ATXN1: variants seen among roughly 807,000 people sequenced by gnomAD.
The protein encoded by ATXN1 is ataxin 1.
Under a neutral mutation model 56.4 loss-of-function variants are expected in ATXN1, and 8 were observed. That is an observed-to-expected ratio of 0.14 (90% CI 0.08 to 0.26). The LOEUF is 0.26. Among genes scored for constraint, ATXN1 ranks in the 10% least tolerant of loss-of-function variants. The probability of loss-of-function intolerance (pLI) is 1.00; values close to 1 mark genes in which losing one functional copy is unlikely to be tolerated. For synonymous variants in ATXN1, 514 were observed against 494.6 expected, an observed-to-expected ratio of 1.04 and a Z score of -0.52; for missense variants, 987 against 1,106.5, an observed-to-expected ratio of 0.89 and a Z score of 1.53.
intron 2 of ATXN1, among the ~76,000 whole-genome samples, chr6:16,745,536 T>C (rs1454356299): frequency 6.6e-6 from 1 of 152,228 alleles, no homozygotes; most frequent in Admixed American, 6.5e-5. Context: ...ACTTGATTTA[T>C]GGACTGGAAT....
chr6:16,347,825 C>A (rs759609213), intron 6 of ATXN1, among the ~76,000 whole-genome samples: 2 of 152,180 alleles, frequency 1.3e-5, no homozygotes, highest in African/African-American at 4.8e-5. Context: ...GCAGGCTGCC[C>A]GAGCCAGCAG....
At chr6:16,684,506 C>T (rs1758877452) in intron 2 of ATXN1, among the ~76,000 whole-genome samples, 1 of 152,156 alleles carries the variant, frequency 6.6e-6, no homozygotes, top group South Asian at 2.1e-4. Context: ...AGTGCAGTGG[C>T]TCTCCAGGGT....
rs751592908 is a variant in ATXN1, at chr6:16,372,914, AAAAT to A, written c.-160-44448_-160-44445del. Among the ~76,000 whole-genome samples the A allele has an allele frequency of 6.2e-3, 941 of 151,364 alleles. 5 individuals carry two copies. The highest frequency in any genetic ancestry group is 0.011 in the East Asian group (57 of 5,082). ...GGACAGCAAAGTGAGACACTGTATC[AAAAT>A]AAATAAATAAATAAATAAACAAACA... On this transcript the variant is annotated intron_variant, in intron 6 of 7. Transcript: ENST00000436367.
intron 3 of ATXN1, among the ~76,000 whole-genome samples, chr6:16,601,916 CAAG>C (rs1166665531): frequency 1.3e-5 from 2 of 151,984 alleles, no homozygotes; most frequent in Non-Finnish European, 2.9e-5. Flanking sequence ...AGATTTTGTG[CAAG>C]CGTATTTTGT....
chr6:16,659,373 T>G (rs1474263760), intron 2 of ATXN1, among the ~76,000 whole-genome samples: 1 of 152,232 alleles, frequency 6.6e-6, no homozygotes, highest in East Asian at 1.9e-4. Flanking sequence ...CTTTACCGGC[T>G]TGGTAAAAAC....
intron 5 of ATXN1, among the ~76,000 whole-genome samples, chr6:16,495,066 G>C (rs1283441411): frequency 6.6e-6 from 1 of 152,130 alleles, no homozygotes; most frequent in Non-Finnish European, 1.5e-5. Context: ...GGTGAAAATG[G>C]GGAAGGCTGA....
At chr6:16,445,696 CCA>C (rs1759620285) in intron 6 of ATXN1, among the ~76,000 whole-genome samples, 1 of 125,596 alleles carries the variant, frequency 8.0e-6, no homozygotes, top group Non-Finnish European at 1.6e-5. Flanking sequence ...ACAACAGTCC[CCA>C]GAGTGTGATG....
chr6:16,425,862 A>G (rs1338898505), intron 6 of ATXN1, among the ~76,000 whole-genome samples: 1 of 152,206 alleles, frequency 6.6e-6, no homozygotes, highest in African/African-American at 2.4e-5. Flanking sequence ...ATCCCGTAGC[A>G]GATGACCCTC....
At chr6:16,555,277 C>G (rs1761990472) in intron 4 of ATXN1, among the ~76,000 whole-genome samples, 2 of 152,152 alleles carry the variant, frequency 1.3e-5, no homozygotes, top group African/African-American at 4.8e-5. Context: ...CAACTGCTCT[C>G]TACAAGCCCC....
intron 5 of ATXN1, among the ~76,000 whole-genome samples, chr6:16,504,084 A>G (rs1440825015): frequency 2.0e-5 from 3 of 152,182 alleles, no homozygotes; most frequent in Admixed American, 6.5e-5. Context: ...TGTGCCTTTC[A>G]GCCCCACTTA....
rs1390759166 is a variant in ATXN1, at chr6:16,303,573, A to ACCCATTTC, written c.*2755_*2756insGAAATGGG. ...ATTGCACATGCTAAAAAAGCAAGAG[A>ACCCATTTC]ATGAAATGGGACAAGTGTTTAGAAA... On this transcript the variant is annotated 3_prime_UTR_variant, in exon 8 of 8. Coordinates refer to ENST00000436367, the MANE Select transcript of ATXN1 (RefSeq NM_001128164.2). The surrounding 1 kb of genome is among the most constrained non-coding windows in gnomAD (Gnocchi z 4.3). The ACCCATTTC allele has an allele frequency of 6.5e-6, 1 of 152,692 alleles. No homozygotes were observed. The highest frequency in any genetic ancestry group is 2.4e-5 in the African/African-American group (1 of 41,466). 9.5% of individuals were successfully genotyped at this position (152,692 alleles called of 1,614,324 possible).
intron 6 of ATXN1, among the ~76,000 whole-genome samples, chr6:16,484,940 A>AAT (rs1351275321): frequency 3.0e-3 from 365 of 123,200 alleles, no homozygotes; most frequent in African/African-American, 9.1e-3. Flanking sequence ...TGGAAACCTA[A>AAT]ATATATATGT....
chr6:16,361,195 G>T (rs956742948), intron 6 of ATXN1, among the ~76,000 whole-genome samples: 1 of 152,156 alleles, frequency 6.6e-6, no homozygotes, highest in Admixed American at 6.5e-5. Context: ...TATATATAGA[G>T]ACATTAAATT....
intron 1 of ATXN1, among the ~76,000 whole-genome samples, chr6:16,759,528 C>CCGTTTT (rs1561842989): frequency 1.6e-5 from 1 of 64,472 alleles, no homozygotes. Context: ...CTTCTTCCGA[C>CCGTTTT]TGTTTTTTTT....
intron 4 of ATXN1, among the ~76,000 whole-genome samples, chr6:16,583,670 C>T (rs1462429397): frequency 1.3e-5 from 2 of 152,200 alleles, no homozygotes; most frequent in Non-Finnish European, 2.9e-5. Context: ...TCTCACCCAA[C>T]GGCTGCTCCA....
chr6:16,633,123 T>C (rs1215799803), intron 3 of ATXN1, among the ~76,000 whole-genome samples: 3 of 152,196 alleles, frequency 2.0e-5, no homozygotes, highest in South Asian at 2.1e-4. Flanking sequence ...TTGCTACGCA[T>C]TGTTACAGTC....
At chr6:16,515,883 T>A (rs1315798927) in intron 5 of ATXN1, among the ~76,000 whole-genome samples, 1 of 152,114 alleles carries the variant, frequency 6.6e-6, no homozygotes, top group Non-Finnish European at 1.5e-5. Flanking sequence ...CCAGACAGGT[T>A]AACTTTGCCT....
intron 2 of ATXN1, among the ~76,000 whole-genome samples, chr6:16,725,611 T>C (rs1166500165): frequency 2.6e-5 from 4 of 152,200 alleles, no homozygotes; most frequent in Non-Finnish European, 5.9e-5. Context: ...TTTCTCTTCC[T>C]TCCTCTCATC....
chr6:16,709,009 G>A (rs1007832565), intron 2 of ATXN1, among the ~76,000 whole-genome samples: 1 of 141,258 alleles, frequency 7.1e-6, no homozygotes, highest in African/African-American at 2.7e-5. Flanking sequence ...CTGGGTGAAA[G>A]AGCGAAACTC....
Sources: allele counts gnomAD v4.1 joint callset (sites outside exome capture counted in the v4.1 genomes callset), GRCh38; gene constraint gnomAD v4.1.1; non-coding constraint Gnocchi (gnomAD v3.1); transcripts MANE v1.5; gene names NCBI Gene and HGNC (gene_info 2026-07-23, HGNC 2026-07-21).